TLCD3A: variants seen among roughly 807,000 people sequenced by gnomAD.
The protein encoded by TLCD3A is TLC domain-containing protein 3A.
A neutral mutation model predicts 29.9 loss-of-function variants in TLCD3A; 17 were observed. The ratio of observed to expected loss-of-function variants is 0.57; its 90% CI spans 0.39 to 0.85. The LOEUF (loss-of-function observed/expected upper bound fraction) is 0.85. Among genes scored for constraint, TLCD3A ranks in the 40% least tolerant of loss-of-function variants. The probability of loss-of-function intolerance (pLI) is 0.00; values close to 1 mark genes in which losing one functional copy is unlikely to be tolerated. For synonymous variants in TLCD3A, 143 were observed against 147.7 expected, an observed-to-expected ratio of 0.97 and a Z score of 0.23; for missense variants, 332 against 350.8, an observed-to-expected ratio of 0.95 and a Z score of 0.43.
chr17:738,071 C>T, intron 3 of TLCD3A, 24 bp downstream of exon 3: 2 of 1,141,756 alleles, frequency 1.8e-6, no homozygotes, highest in Non-Finnish European at 2.6e-6. Context: ...GGACAGCAGA[C>T]CAGCAGCTGG....
intron 2 of TLCD3A, among the ~76,000 whole-genome samples, chr17:737,323 T>C (rs1974171743): frequency 6.6e-6 from 1 of 152,076 alleles, no homozygotes; most frequent in South Asian, 2.1e-4. Context: ...GCTCTAGAAT[T>C]GTAAAGAAAA....
intron 3 of TLCD3A, among the ~76,000 whole-genome samples, chr17:739,732 A>G (rs1378031185): frequency 1.3e-5 from 2 of 152,254 alleles, no homozygotes; most frequent in African/African-American, 2.4e-5. Context: ...GAGTATTCTT[A>G]TATCTCTCAG....
chr17:735,110 C>T (rs1160971778), intron 2 of TLCD3A, among the ~76,000 whole-genome samples: 1 of 152,150 alleles, frequency 6.6e-6, no homozygotes, highest in Non-Finnish European at 1.5e-5. Context: ...GCAACCTCCA[C>T]CTCCCAGGTT....
At chr17:735,079 G>A (rs1357066403) in intron 2 of TLCD3A, among the ~76,000 whole-genome samples, 1 of 152,140 alleles carries the variant, frequency 6.6e-6, no homozygotes, top group African/African-American at 2.4e-5. Context: ...CTGGAGTGCA[G>A]TGGTGAGGTC....
intron 3 of TLCD3A, 50 bp downstream of exon 3, chr17:738,097 T>TTTTTTTA: frequency 1.2e-6 from 1 of 851,822 alleles, no homozygotes; most frequent in Non-Finnish European, 1.6e-6. Context: ...GCTGGGTGTC[T>TTTTTTTA]TTTTTTTTTT....
At chr17:741,243 G>A (rs1974247910) in intron 4 of TLCD3A, 58 bp from the exon 5 acceptor site, 30 of 1,587,426 alleles carry the variant, frequency 1.9e-5, no homozygotes, top group Admixed American at 6.7e-5. Context: ...TGGGCCCGTC[G>A]CTCCCTGATG....
intron 2 of TLCD3A, among the ~76,000 whole-genome samples, chr17:736,725 G>A (rs1370860780): frequency 1.3e-5 from 2 of 151,930 alleles, no homozygotes; most frequent in African/African-American, 4.8e-5. Context: ...GCGCGATCTC[G>A]GCTCACTGCA....
Position 733,140 on chromosome 17 carries a change from G to T in TLCD3A, c.165G>T (p.Gly55=). 6.3e-7 allele frequency: 1 copy of T among 1,588,000 alleles called. No homozygotes were observed. Among genetic ancestry groups the T allele is most frequent in the Non-Finnish European group, 8.6e-7 (1 of 1,168,850 alleles). Reference sequence around the variant, plus strand: ...ACGCCGTGCTGGCCACCGGCTCGGGGATCGTCATCATTCGCTCCTGCGACG... The same window carrying T: ...ACGCCGTGCTGGCCACCGGCTCGGGTATCGTCATCATTCGCTCCTGCGACG... ...SVHAVLATGS[G]IVIIRSCDDV... Residue 55 remains glycine, a synonymous_variant, in exon 2 of 5, where the codon GGG becomes GGT. Coordinates refer to ENST00000308278, the MANE Select transcript of TLCD3A (RefSeq NM_024792.3).
At chr17:739,658 C>G (rs1264728742) in intron 3 of TLCD3A, among the ~76,000 whole-genome samples, 2 of 152,222 alleles carry the variant, frequency 1.3e-5, no homozygotes. Context: ...TTTAAAAGTT[C>G]ATAGCTTGCT....
chr17:738,342 C>G (rs535787068), intron 3 of TLCD3A, among the ~76,000 whole-genome samples: 1 of 151,768 alleles, frequency 6.6e-6, no homozygotes, highest in South Asian at 2.1e-4. Context: ...GTGATCCGCC[C>G]GCCTCGGCCT....
intron 1 of TLCD3A, 38 bp from the exon 2 acceptor site, chr17:733,060 G>C (rs533266528): frequency 1.3e-6 from 2 of 1,540,224 alleles, no homozygotes; most frequent in African/African-American, 1.4e-5. Context: ...TCCTCGGACC[G>C]GACTGAGCGC....
intron 3 of TLCD3A, 105 bp downstream of exon 3, chr17:738,152 G>A (rs1974193909): frequency 1.1e-6 from 1 of 878,272 alleles, no homozygotes; most frequent in Admixed American, 3.0e-5. Context: ...CTGGAGTGCA[G>A]TGGTGTGATC....
chr17:732,744 A>C lies in TLCD3A; in HGVS notation c.97A>C (p.Thr33Pro), dbSNP rs2144102714. Residue 33 changes from threonine to proline, a missense_variant, in exon 1 of 5, where the codon ACC (threonine) becomes CCC (proline). Thr to Pro is a conservative substitution (Grantham distance 38, BLOSUM62 -1). Transcript: ENST00000308278. ...LRRSQPGWSR[T>P]DCVMISTRLV... The stretch of plus-strand genomic sequence containing the variant: ...CCGCTCCCAGCCCGGATGGAGCCGC[A>C]CCGACTGCGTGATGATCAGCACCAG... The C allele has an allele frequency of 6.9e-7, 1 of 1,454,158 alleles. No homozygotes were observed. Among genetic ancestry groups the C allele is most frequent in the Non-Finnish European group, 9.0e-7 (1 of 1,105,644 alleles). 90.1% of individuals were successfully genotyped at this position (1,454,158 alleles called of 1,614,324 possible). A position where few individuals can be genotyped will look rare whatever the true frequency, so the allele number is the denominator to read the frequency against.
chr17:741,759 T>A lies in TLCD3A; in HGVS notation c.*189T>A. 1.5e-6 allele frequency: 1 copy of A among 673,144 alleles called. No homozygotes were observed. The highest frequency in any genetic ancestry group is 2.5e-6 in the Non-Finnish European group (1 of 403,640). 41.7% of individuals were successfully genotyped at this position (673,144 alleles called of 1,614,324 possible). ...CCTATTTGCAAAAGCACTTTTGTAGTAACAACTATTGGGTCCTGTCAGACC... is the reference window on the plus strand; with the variant it reads ...CCTATTTGCAAAAGCACTTTTGTAGAAACAACTATTGGGTCCTGTCAGACC... On this transcript the variant is annotated 3_prime_UTR_variant, in exon 5 of 5. Coordinates refer to ENST00000308278, the MANE Select transcript of TLCD3A (RefSeq NM_024792.3).
At chr17:733,042 C>T (rs747390822) in intron 1 of TLCD3A, 56 bp from the exon 2 acceptor site, 2 of 1,487,768 alleles carry the variant, frequency 1.3e-6, no homozygotes, top group African/African-American at 2.9e-5. Flanking sequence ...GGGCCGGGCT[C>T]CCTGCGGTCC....
At chr17:737,694 C>CAAGT (rs1410956103) in intron 2 of TLCD3A, 152 bp from the exon 3 acceptor site, 2 of 752,664 alleles carry the variant, frequency 2.7e-6, no homozygotes, top group Non-Finnish European at 4.5e-6. Context: ...AAACTGAGAG[C>CAAGT]AAGTGGTCTA....
rs1004098163 is a variant in TLCD3A at position 732,852 on chromosome 17, AG to A, written c.122+89del. The stretch of plus-strand genomic sequence containing the variant: ...CCGGCCGCGGGGCCCAGGGCGGAAA[AG>A]GGGGGCGGCAGGAAGCCCGGGGGCT... On this transcript the variant is annotated intron_variant, in intron 1 of 4. Transcript: ENST00000308278. 7 of 1,362,582 alleles carry A rather than the reference AG, an allele frequency of 5.1e-6. No individual in the cohort carries two copies. In the Admixed American group the frequency reaches 2.0e-4, roughly 38 times the overall value. The allele number at this position is 1,362,582 out of a possible 1,614,324, so 84.4% of individuals were successfully genotyped here.
chr17:733,097 G>A lies in TLCD3A; in HGVS notation c.123-1G>A, dbSNP rs761640024. On this transcript the variant is annotated splice_acceptor_variant, in intron 1 of 4. Coordinates refer to ENST00000308278, the MANE Select transcript of TLCD3A (RefSeq NM_024792.3). LOFTEE classifies it high-confidence loss of function. ...CGCGCTGTTCTCTCCGCCCGCGCTA[G>A]GCTGGTTTCCTCGGTGCACGCCGTG... The A allele has an allele frequency of 6.3e-7, 1 of 1,585,350 alleles. No individual in the cohort carries two copies. Among genetic ancestry groups the A allele is most frequent in the Non-Finnish European group, 8.6e-7 (1 of 1,166,724 alleles).
At chr17:734,030 C>T (rs966671121) in intron 2 of TLCD3A, among the ~76,000 whole-genome samples, 1 of 152,184 alleles carries the variant, frequency 6.6e-6, no homozygotes, top group Non-Finnish European at 1.5e-5. Flanking sequence ...GGGATCAATC[C>T]TGCTGTCATG....
Sources: allele counts gnomAD v4.1 joint callset (sites outside exome capture counted in the v4.1 genomes callset), GRCh38; gene constraint gnomAD v4.1.1; transcripts MANE v1.5; gene names NCBI Gene and HGNC (gene_info 2026-07-23, HGNC 2026-07-21).